Variants in CACNB4 observed in about 807,000 individuals in gnomAD.
The protein encoded by CACNB4 is voltage-dependent L-type calcium channel subunit beta-4.
A neutral mutation model predicts 71.2 loss-of-function variants in CACNB4; 32 were observed. The observed-to-expected ratio is 0.45, with a 90% CI of 0.34 to 0.60. CACNB4 has a LOEUF of 0.60. Among genes scored for constraint, CACNB4 ranks in the 20% least tolerant of loss-of-function variants. CACNB4 has a pLI of 0.01. For missense variants in CACNB4, 464 were observed against 647.9 expected, an observed-to-expected ratio of 0.72 and a Z score of 3.08; for synonymous variants, 231 against 236.9, an observed-to-expected ratio of 0.97 and a Z score of 0.23.
intron 2 of CACNB4, among the ~76,000 whole-genome samples, chr2:152,078,696 A>C (rs1687173864): frequency 6.6e-6 from 1 of 152,200 alleles, no homozygotes; most frequent in Non-Finnish European, 1.5e-5. Flanking sequence ...GAAAATGGTA[A>C]TGACTGTAGG....
At chr2:151,960,586 C>T (rs917615637) in intron 2 of CACNB4, among the ~76,000 whole-genome samples, 5 of 152,320 alleles carry the variant, frequency 3.3e-5, no homozygotes, top group South Asian at 2.1e-4. Flanking sequence ...AATGAGAGCA[C>T]CTTCTGTTCC....
chr2:151,911,651 C>A (rs535819334), intron 2 of CACNB4, among the ~76,000 whole-genome samples: 3 of 152,142 alleles, frequency 2.0e-5, no homozygotes, highest in South Asian at 2.1e-4. Flanking sequence ...TTTTGTTATA[C>A]CTCTTCCTGG....
intron 2 of CACNB4, among the ~76,000 whole-genome samples, chr2:152,068,340 T>C (rs1686467019): frequency 6.6e-6 from 1 of 152,200 alleles, no homozygotes; most frequent in South Asian, 2.1e-4. Context: ...ATTTTTGTCC[T>C]TTTTAAGATC....
intron 13 of CACNB4, among the ~76,000 whole-genome samples, chr2:151,840,421 G>A (rs2099835878): frequency 6.6e-6 from 1 of 152,206 alleles, no homozygotes; most frequent in Non-Finnish European, 1.5e-5. Context: ...CAAGATTGTT[G>A]TATTCAATAT....
At chr2:151,977,602 G>A (rs1280852671) in intron 2 of CACNB4, among the ~76,000 whole-genome samples, 2 of 152,180 alleles carry the variant, frequency 1.3e-5, no homozygotes, top group African/African-American at 4.8e-5. Flanking sequence ...AGAGAAGAAG[G>A]AGAGAAAAGC....
Position 151,870,844 on chromosome 2 carries a change from C to A in CACNB4, c.616G>T (p.Val206Leu), listed in dbSNP as rs1260619468. ...PTSTAKQKQK[V>L]TEHIPPYDVV... ...TTTAAAAAGGAAACACAACTTACCA[C>A]TTTTTGCTTCTGTTTTGCTAAAAGA... Residue 206 changes from valine (V) to leucine (L), a missense_variant and splice_region_variant, in exon 7 of 14, where the codon GTG becomes TTG. Val to Leu is a conservative substitution (Grantham distance 32, BLOSUM62 1). This residue lies in a region of CACNB4 where 299 missense variants were observed against 471.7 expected (regional missense o/e 0.63). Coordinates refer to ENST00000539935, the MANE Select transcript of CACNB4 (RefSeq NM_000726.5). The A allele has an allele frequency of 1.9e-6, 3 of 1,602,586 alleles. No homozygotes were observed. Among genetic ancestry groups the A allele is most frequent in the Middle Eastern group, 1.7e-4 (1 of 6,044 alleles).
At chr2:151,909,325 C>T (rs182320292) in intron 2 of CACNB4, among the ~76,000 whole-genome samples, 3 of 151,206 alleles carry the variant, frequency 2.0e-5, no homozygotes, top group Non-Finnish European at 4.4e-5. Flanking sequence ...ATCCCAGTTA[C>T]TCGGGAGGCT....
intron 2 of CACNB4, chr2:151,970,161 A>C (rs2099872144): frequency 6.6e-6 from 1 of 152,200 alleles, no homozygotes; most frequent in Admixed American, 6.5e-5. Context: ...AGGAGCTTTA[A>C]ATTTTGCAAA....
chr2:152,062,282 C>T (rs1686063338), intron 2 of CACNB4, among the ~76,000 whole-genome samples: 1 of 151,990 alleles, frequency 6.6e-6, no homozygotes, highest in African/African-American at 2.4e-5. Context: ...AAACAGTATT[C>T]AGGCAGCAAA....
chr2:151,977,300 T>G (rs2151744448), intron 2 of CACNB4, among the ~76,000 whole-genome samples: 1 of 152,366 alleles, frequency 6.6e-6, no homozygotes, highest in Non-Finnish European at 1.5e-5. Flanking sequence ...TCTCTATGAT[T>G]CTGTTTATAA....
intron 2 of CACNB4, among the ~76,000 whole-genome samples, chr2:151,983,309 A>C (rs1263034159): frequency 6.6e-6 from 1 of 152,214 alleles, no homozygotes; most frequent in African/African-American, 2.4e-5. Flanking sequence ...GTAATTCCTC[A>C]TGAAGATTTG....
intron 2 of CACNB4, among the ~76,000 whole-genome samples, chr2:151,892,367 T>TAA (rs201052921): frequency 3.6e-5 from 5 of 139,976 alleles, no homozygotes; most frequent in African/African-American, 1.3e-4. Flanking sequence ...ACTTGTGTCT[T>TAA]AAAAAAAAAA....
At chr2:152,097,317 A>G (rs1688325277) in intron 2 of CACNB4, among the ~76,000 whole-genome samples, 3 of 152,246 alleles carry the variant, frequency 2.0e-5, no homozygotes, top group Admixed American at 2.0e-4. Context: ...ATCATAGGTT[A>G]GAAAACACAT....
At chr2:151,991,500 A>G (rs1482271092) in intron 2 of CACNB4, among the ~76,000 whole-genome samples, 1 of 152,170 alleles carries the variant, frequency 6.6e-6, no homozygotes, top group Non-Finnish European at 1.5e-5. Flanking sequence ...AATTTTCCAC[A>G]TGTGGTTTTG....
At chr2:152,024,964 G>A (rs1420472261) in intron 2 of CACNB4, among the ~76,000 whole-genome samples, 1 of 152,200 alleles carries the variant, frequency 6.6e-6, no homozygotes, top group African/African-American at 2.4e-5. Context: ...GCTGAGGCAG[G>A]AGAATCACTT....
chr2:152,052,475 G>C (rs1685493026), intron 2 of CACNB4, among the ~76,000 whole-genome samples: 2 of 152,084 alleles, frequency 1.3e-5, no homozygotes, highest in African/African-American at 4.8e-5. Context: ...CGTATTCTAA[G>C]TAGAGACAGG....
chr2:151,934,466 C>T (rs2099862424), intron 2 of CACNB4, among the ~76,000 whole-genome samples: 1 of 152,230 alleles, frequency 6.6e-6, no homozygotes, highest in Non-Finnish European at 1.5e-5. Context: ...TCTCATTCCA[C>T]TTTACAAAGG....
chr2:152,076,136 C>CTTTTTTTTTTTTTTT (rs35400714), intron 2 of CACNB4, among the ~76,000 whole-genome samples: 1 of 71,202 alleles, frequency 1.4e-5, no homozygotes, highest in Non-Finnish European at 2.5e-5. Context: ...CACCTCTTTT[C>CTTTTTTTTTTTTTTT]TTTTTTTTTT....
upstream of CACNB4, chr2:152,099,134 G>A (rs1688455036): frequency 1.4e-5 from 8 of 568,872 alleles, no homozygotes; most frequent in East Asian, 3.5e-5. Context: ...GACCCGCGCC[G>A]GCGCCCAGGC....
Sources: allele counts gnomAD v4.1 joint callset (sites outside exome capture counted in the v4.1 genomes callset), GRCh38; gene constraint gnomAD v4.1.1; regional missense constraint gnomAD v4.1.1; transcripts MANE v1.5; gene names NCBI Gene and HGNC (gene_info 2026-07-23, HGNC 2026-07-21).